The following BRINP3 variants were observed in gnomAD, a reference collection of about 807,000 sequenced individuals.
BRINP3 encodes BMP/retinoic acid inducible neural specific 3.
Under a neutral mutation model 71.0 loss-of-function variants are expected in BRINP3, and 19 were observed. The ratio of observed to expected loss-of-function variants is 0.27; its 90% CI spans 0.19 to 0.39. The LOEUF (loss-of-function observed/expected upper bound fraction) is 0.39, where lower values mean the gene tolerates loss of function less well. BRINP3 is among the 10% of genes least tolerant of loss of function. The probability of loss-of-function intolerance (pLI) is 1.00; values close to 1 mark genes in which losing one functional copy is unlikely to be tolerated. For missense variants in BRINP3, 959 were observed against 940.8 expected, an observed-to-expected ratio of 1.02 and a Z score of -0.25; for synonymous variants, 380 against 337.7, an observed-to-expected ratio of 1.13 and a Z score of -1.37.
intron 2 of BRINP3, among the ~76,000 whole-genome samples, chr1:190,296,415 G>A (rs192461165): frequency 3.9e-5 from 6 of 152,018 alleles, no homozygotes; most frequent in Non-Finnish European, 5.9e-5. Flanking sequence ...TAGAAAAAAT[G>A]TACCTCAAGA....
At chr1:190,246,584 A>G (rs145399512) in intron 4 of BRINP3, among the ~76,000 whole-genome samples, 1 of 152,160 alleles carries the variant, frequency 6.6e-6, no homozygotes, top group East Asian at 1.9e-4. Context: ...ACATTTTTCT[A>G]TGGAACAGAC....
At chr1:190,411,763 A>T (rs922231165) in intron 2 of BRINP3, among the ~76,000 whole-genome samples, 3 of 152,226 alleles carry the variant, frequency 2.0e-5, no homozygotes, top group Admixed American at 1.3e-4. Context: ...AAATAACAGG[A>T]TACCTGATAA....
At chr1:190,305,463 G>A (rs1448050125) in intron 2 of BRINP3, among the ~76,000 whole-genome samples, 1 of 151,620 alleles carries the variant, frequency 6.6e-6, no homozygotes, top group Admixed American at 6.6e-5. Flanking sequence ...AATGAACCTG[G>A]AGTATATTAC....
chr1:190,257,734 C>A (rs1248993303), intron 4 of BRINP3, among the ~76,000 whole-genome samples: 1 of 152,144 alleles, frequency 6.6e-6, no homozygotes, highest in Non-Finnish European at 1.5e-5. Context: ...ACAGTCAGAT[C>A]CCTCAGCTGC....
intron 5 of BRINP3, among the ~76,000 whole-genome samples, chr1:190,228,213 A>C (rs1558085983): frequency 6.7e-6 from 1 of 148,246 alleles, no homozygotes. Context: ...ACACCTAGTG[A>C]TTTTTTTTTT....
Position 190,189,982 on chromosome 1 carries a change from T to C in BRINP3, c.962-29092A>G, listed in dbSNP as rs545797423. ...GGCACTGCCAAAAGTCTGGGATACA[T>C]TACAACAGTTGTGGCACTGAGGAGA... On this transcript the variant is annotated intron_variant, in intron 6 of 7. Transcript: ENST00000367462. Among the ~76,000 whole-genome samples the C allele has an allele frequency of 2.0e-5, 3 of 152,242 alleles. No individual in the cohort carries two copies. The East Asian group carries it at 5.8e-4, about 29-fold the overall frequency.
intron 2 of BRINP3, among the ~76,000 whole-genome samples, chr1:190,349,924 C>T (rs189537089): frequency 3.8e-4 from 58 of 152,010 alleles, no homozygotes; most frequent in Non-Finnish European, 7.2e-4. Context: ...TGTGTGTGGA[C>T]GAGAAAATGC....
intron 7 of BRINP3, among the ~76,000 whole-genome samples, chr1:190,146,585 A>G (rs896225718): frequency 1.8e-4 from 27 of 152,266 alleles, no homozygotes; most frequent in African/African-American, 6.5e-4. Flanking sequence ...CATATAAAAG[A>G]GATTCATTTT....
intron 2 of BRINP3, among the ~76,000 whole-genome samples, chr1:190,331,144 C>T (rs1666936988): frequency 6.6e-6 from 1 of 152,004 alleles, no homozygotes; most frequent in Non-Finnish European, 1.5e-5. Flanking sequence ...AGTCATCTCA[C>T]ATTCTCCTCT....
intron 7 of BRINP3, among the ~76,000 whole-genome samples, chr1:190,106,302 A>G (rs1007751078): frequency 6.6e-6 from 1 of 151,598 alleles, no homozygotes; most frequent in Non-Finnish European, 1.5e-5. Flanking sequence ...TATATAACAT[A>G]TGTTTATTTC....
intron 7 of BRINP3, among the ~76,000 whole-genome samples, chr1:190,136,466 A>C (rs181831469): frequency 9.9e-5 from 15 of 152,188 alleles, no homozygotes; most frequent in Admixed American, 3.3e-4. Context: ...CTATGCACTA[A>C]TTGCAGTTTT....
Position 190,359,583 on chromosome 1 carries a change from A to G in BRINP3, c.237-77833T>C, listed in dbSNP as rs531524392. On this transcript the variant is annotated intron_variant, in intron 2 of 7. Transcript: ENST00000367462. ...TGGGTCCAGCCTGGGCAACATGGCA[A>G]GACCTGTCCCTAAGAAGAAATCAAC... Among the ~76,000 whole-genome samples the G allele has an allele frequency of 1.8e-4, 28 of 152,188 alleles. No homozygotes were observed. The South Asian group carries it at 5.8e-3, about 32-fold the overall frequency.
At chr1:190,135,625 A>G (rs1654906964) in intron 7 of BRINP3, among the ~76,000 whole-genome samples, 2 of 152,106 alleles carry the variant, frequency 1.3e-5, no homozygotes, top group Non-Finnish European at 1.5e-5. Flanking sequence ...AAAATTACCA[A>G]TGATACTTGC....
intron 2 of BRINP3, among the ~76,000 whole-genome samples, chr1:190,310,005 A>G (rs1468372862): frequency 6.6e-6 from 1 of 151,624 alleles, no homozygotes; most frequent in African/African-American, 2.4e-5. Flanking sequence ...GAATACATGG[A>G]GTAGGCTACA....
intron 7 of BRINP3, among the ~76,000 whole-genome samples, chr1:190,120,057 CT>C (rs2102313526): frequency 6.6e-6 from 1 of 152,302 alleles, no homozygotes; most frequent in East Asian, 1.9e-4. Context: ...ATTGTTTTTA[CT>C]TTTTAATTTA....
chr1:190,390,521 T>C (rs1050872362), intron 2 of BRINP3, among the ~76,000 whole-genome samples: 3 of 151,682 alleles, frequency 2.0e-5, no homozygotes, highest in Admixed American at 1.3e-4. Flanking sequence ...AACAAAACGT[T>C]GCAGAAATTG....
intron 7 of BRINP3, among the ~76,000 whole-genome samples, chr1:190,125,002 A>G (rs754521166): frequency 2.4e-4 from 36 of 152,200 alleles, no homozygotes; most frequent in Non-Finnish European, 4.6e-4. Flanking sequence ...AAATTAAAGC[A>G]GGATAGGACC....
At chr1:190,119,562 C>T (rs1032733299) in intron 7 of BRINP3, among the ~76,000 whole-genome samples, 2 of 152,204 alleles carry the variant, frequency 1.3e-5, no homozygotes, top group Non-Finnish European at 2.9e-5. Context: ...ATTGGAGTGC[C>T]TTATGTGAGC....
intron 6 of BRINP3, among the ~76,000 whole-genome samples, chr1:190,194,226 T>C (rs1654288090): frequency 6.6e-6 from 1 of 152,050 alleles, no homozygotes. Flanking sequence ...GTAAGCATAA[T>C]CACAGAATGC....
Sources: gnomAD v4.1 joint callset for allele counts (sites outside exome capture counted in the v4.1 genomes callset) on GRCh38, gnomAD v4.1.1 for gene constraint, MANE v1.5 for transcripts, NCBI Gene and HGNC (gene_info 2026-07-23, HGNC 2026-07-21) for gene names.